MSR1: variants seen among roughly 807,000 people sequenced by gnomAD.
MSR1 encodes macrophage scavenger receptor types I and II.
In MSR1, 53 loss-of-function variants were observed where a neutral mutation model predicts 47.2. The observed-to-expected ratio is 1.12, with a 90% CI of 0.90 to 1.41. The LOEUF (loss-of-function observed/expected upper bound fraction) is 1.41, where lower values mean the gene tolerates loss of function less well. Among genes scored for constraint, MSR1 ranks in the 40% most tolerant of loss-of-function variants. The probability of loss-of-function intolerance (pLI) is 0.00; values close to 1 mark genes in which losing one functional copy is unlikely to be tolerated. For missense variants in MSR1, 786 were observed against 546.9 expected, an observed-to-expected ratio of 1.44 and a Z score of -4.36; for synonymous variants, 239 against 185.6, an observed-to-expected ratio of 1.29 and a Z score of -2.34.
At position 16,109,911 on chromosome 8, in the gene MSR1, T is replaced by C. The variant is rs575989840; in HGVS notation, c.*174A>G. The stretch of plus-strand genomic sequence containing the variant: ...TATAGAAGTTAAAATGATTTAAATA[T>C]AGACATAAAATAGTAAGCATGAAGG... On this transcript the variant is annotated 3_prime_UTR_variant, in exon 10 of 10. Coordinates refer to ENST00000262101, the MANE Select transcript of MSR1 (RefSeq NM_138715.3). The C allele has an allele frequency of 8.4e-6, 6 of 710,660 alleles. No homozygotes were observed. Among genetic ancestry groups the C allele is most frequent in the African/African-American group, 7.2e-5 (4 of 55,872 alleles). The allele number at this position is 710,660 out of a possible 1,614,324, so 44.0% of individuals were successfully genotyped here.
intron 1 of MSR1, among the ~76,000 whole-genome samples, chr8:16,191,722 C>A (rs768038956): frequency 1.3e-5 from 2 of 152,180 alleles, no homozygotes; most frequent in African/African-American, 2.4e-5. Flanking sequence ...CTGCATAAAA[C>A]GGCTAATCAC....
chr8:16,184,127 T>C (rs555048419), intron 1 of MSR1, among the ~76,000 whole-genome samples: 2 of 151,796 alleles, frequency 1.3e-5, no homozygotes, highest in East Asian at 1.9e-4. Flanking sequence ...AAGACAACAT[T>C]TATTTTTCAC....
chr8:16,172,027 G>A (rs1201867435), intron 3 of MSR1, among the ~76,000 whole-genome samples: 1 of 152,136 alleles, frequency 6.6e-6, no homozygotes, highest in Non-Finnish European at 1.5e-5. Context: ...CAAGATGTGT[G>A]ATTCAGGTAC....
At position 16,112,941 on chromosome 8, in the gene MSR1, A is replaced by T. The variant is rs201313185; in HGVS notation, c.1223-2723T>A. On this transcript the variant is annotated intron_variant, in intron 9 of 9. Coordinates refer to ENST00000262101, the MANE Select transcript of MSR1 (RefSeq NM_138715.3). ...TTGATATTGATTATATATTTTTTTT[A>T]AGTTTTTTTTTTTTTTTTTTTTTGA... Among the ~76,000 whole-genome samples the T allele has an allele frequency of 5.0e-3, 540 of 108,972 alleles. 5 individuals carry two copies. Among genetic ancestry groups the T allele is most frequent in the African/African-American group, 0.013 (390 of 30,238 alleles). The allele number at this position is 108,972 out of a possible 152,430, so 71.5% of individuals were successfully genotyped here. A position where few individuals can be genotyped will look rare whatever the true frequency, so the allele number is the denominator to read the frequency against.
intron 2 of MSR1, among the ~76,000 whole-genome samples, chr8:16,176,132 G>A (rs1801639299): frequency 6.6e-6 from 1 of 152,120 alleles, no homozygotes; most frequent in Non-Finnish European, 1.5e-5. Flanking sequence ...TTGCTTTCAG[G>A]TTGCAAATTG....
At chr8:16,155,776 G>C (rs1035413901) in intron 5 of MSR1, among the ~76,000 whole-genome samples, 2 of 151,842 alleles carry the variant, frequency 1.3e-5, no homozygotes, top group African/African-American at 4.8e-5. Context: ...AAAGGCATGA[G>C]GAAAGGCAGG....
chr8:16,137,301 T>C (rs1395581975), intron 8 of MSR1, among the ~76,000 whole-genome samples: 1 of 152,050 alleles, frequency 6.6e-6, no homozygotes, highest in Non-Finnish European at 1.5e-5. Context: ...CACAAACAAA[T>C]AAAGAATAAC....
chr8:16,150,851 A>AACACACACAC (rs3036816), intron 6 of MSR1, among the ~76,000 whole-genome samples: 1,462 of 142,100 alleles, frequency 0.01, 28 homozygotes, highest in African/African-American at 0.036. Flanking sequence ...CATAAACATA[A>AACACACACAC]ACACACACAC....
chr8:16,189,915 CTT>C (rs760309231), intron 1 of MSR1, among the ~76,000 whole-genome samples: 6 of 119,112 alleles, frequency 5.0e-5, no homozygotes, highest in Non-Finnish European at 6.7e-5. Context: ...TAAATATTTC[CTT>C]TTTTTTTTTT....
chr8:16,191,498 T>C (rs555917146), intron 1 of MSR1, among the ~76,000 whole-genome samples: 125 of 152,294 alleles, frequency 8.2e-4, no homozygotes, highest in Non-Finnish European at 1.2e-3. Context: ...AATATATGAA[T>C]CCCTGTTATT....
chr8:16,115,162 A>T (rs1477692898), intron 9 of MSR1, among the ~76,000 whole-genome samples: 1 of 152,092 alleles, frequency 6.6e-6, no homozygotes, highest in Non-Finnish European at 1.5e-5. Context: ...CTGGGCAACA[A>T]GAGCGAAACT....
intron 3 of MSR1, among the ~76,000 whole-genome samples, chr8:16,173,692 A>T (rs541631205): frequency 6.6e-6 from 1 of 151,828 alleles, no homozygotes; most frequent in Non-Finnish European, 1.5e-5. Flanking sequence ...CTGTCCCCTC[A>T]GGCTGGAGCA....
intron 8 of MSR1, among the ~76,000 whole-genome samples, chr8:16,126,586 T>C (rs1219665421): frequency 4.6e-5 from 7 of 152,166 alleles, no homozygotes; most frequent in African/African-American, 1.7e-4. Flanking sequence ...AGCAATGAAA[T>C]GTGCAACCCA....
At chr8:16,181,418 G>A (rs758337561) in intron 1 of MSR1, among the ~76,000 whole-genome samples, 15 of 152,142 alleles carry the variant, frequency 9.9e-5, no homozygotes, top group Non-Finnish European at 2.1e-4. Flanking sequence ...ATCAATGATA[G>A]ATTGGATAAA....
intron 8 of MSR1, among the ~76,000 whole-genome samples, chr8:16,132,801 A>T (rs559920878): frequency 1.3e-5 from 2 of 152,234 alleles, no homozygotes; most frequent in South Asian, 4.2e-4. Context: ...AGGACTTCCA[A>T]TACCATGCTG....
In MSR1 at chr8:16,175,269, T is replaced by C. The variant is rs35778274; in HGVS notation, c.135A>G (p.Lys45=). 2 of 1,614,098 alleles carry C rather than the reference T, an allele frequency of 1.2e-6. No individual in the cohort carries two copies. Among genetic ancestry groups the C allele is most frequent in the African/African-American group, 2.7e-5 (2 of 75,042 alleles). ...NPKNSPSLQE[K]LKSFKAALIA... ...TCAGTGCAGCTTTGAAGGACTTCAG[T>C]TTCTCTTGAAGGGAAGGGCTGTTTT... The change falls in exon 3 of 10, where the codon AAA becomes AAG. Residue 45 remains lysine, a synonymous_variant. Transcript: ENST00000262101.
chr8:16,140,060 G>C, intron 8 of MSR1: 3 of 892,798 alleles, frequency 3.4e-6, no homozygotes, highest in Non-Finnish European at 4.0e-6. Flanking sequence ...TCCAGCTCAT[G>C]GAGGTACATA....
chr8:16,184,108 T>C, intron 1 of MSR1, among the ~76,000 whole-genome samples: 1 of 151,680 alleles, frequency 6.6e-6, no homozygotes, highest in Non-Finnish European at 1.5e-5. Context: ...GCAGTTTTAA[T>C]TTTTCATAAA....
intron 4 of MSR1, among the ~76,000 whole-genome samples, chr8:16,167,839 T>C (rs1409700210): frequency 6.6e-6 from 1 of 152,216 alleles, no homozygotes; most frequent in African/African-American, 2.4e-5. Flanking sequence ...CTCTAATCTT[T>C]CTATAGCCCA....
Sources: allele counts gnomAD v4.1 joint callset (sites outside exome capture counted in the v4.1 genomes callset), GRCh38; gene constraint gnomAD v4.1.1; transcripts MANE v1.5; gene names NCBI Gene and HGNC (gene_info 2026-07-23, HGNC 2026-07-21).